Variants in GNL2 observed in about 807,000 individuals in gnomAD.
The protein encoded by GNL2 is G protein nucleolar 2.
GNL2 carries 51 observed loss-of-function variants against 92.3 expected under a neutral mutation model. That is an observed-to-expected ratio of 0.55 (90% confidence interval 0.44 to 0.70). GNL2 has a LOEUF of 0.70. Among genes scored for constraint, GNL2 ranks in the 30% least tolerant of loss-of-function variants. GNL2 has a pLI of 0.00. For missense variants in GNL2, 844 were observed against 895.6 expected, an observed-to-expected ratio of 0.94 and a Z score of 0.74; for synonymous variants, 283 against 300.6, an observed-to-expected ratio of 0.94 and a Z score of 0.61.
chr1:37,592,374 A>G (rs911674359), intron 3 of GNL2, among the ~76,000 whole-genome samples: 2 of 152,212 alleles, frequency 1.3e-5, no homozygotes, highest in Non-Finnish European at 2.9e-5. Context: ...GGATATATGC[A>G]CAAAACCTAC....
At chr1:37,581,155 G>T (rs895809181) in intron 8 of GNL2, among the ~76,000 whole-genome samples, 10 of 152,166 alleles carry the variant, frequency 6.6e-5, no homozygotes, top group Non-Finnish European at 4.4e-5. Context: ...TAAACTGGGG[G>T]TGAGGGGTGG....
intron 5 of GNL2, among the ~76,000 whole-genome samples, 160 bp from the exon 6 acceptor site, chr1:37,584,093 C>A: frequency 6.6e-6 from 1 of 152,098 alleles, no homozygotes; most frequent in East Asian, 1.9e-4. Flanking sequence ...TGTCTGTCAA[C>A]AAATAAATGG....
intron 1 of GNL2, 119 bp downstream of exon 1, chr1:37,595,640 C>G: frequency 2.4e-6 from 2 of 827,056 alleles, no homozygotes; most frequent in Admixed American, 4.3e-5. Flanking sequence ...ACAGCCACCC[C>G]GCTCGTAGTC....
intron 15 of GNL2, among the ~76,000 whole-genome samples, chr1:37,567,291 G>A (rs929491086): frequency 3.9e-5 from 6 of 152,188 alleles, no homozygotes; most frequent in African/African-American, 1.4e-4. Context: ...CAGCAAGGCT[G>A]AGTGCTGCTA....
At chr1:37,568,400 C>G (rs769034959) in intron 13 of GNL2, 43 bp from the exon 14 acceptor site, 1 of 1,261,226 alleles carries the variant, frequency 7.9e-7, no homozygotes, top group Non-Finnish European at 1.2e-6. Context: ...CTCACTCGCC[C>G]GAATCACATA....
At position 37,574,700 on chromosome 1, in the gene GNL2, C is replaced by T; in HGVS notation, c.1267G>A (p.Glu423Lys). The T allele has an allele frequency of 6.2e-7, 1 of 1,614,024 alleles. No individual in the cohort carries two copies. The highest frequency in any genetic ancestry group is 8.5e-7 in the Non-Finnish European group (1 of 1,179,960). ...DSWENAEDFL[E>K]KLAFRTGKLL... Reference sequence around the variant, plus strand: ...TTCCCAGTCCGGAAAGCGAGCTTCTCAAGAAAGTCCTCAGCATTCTCCCAA... The same window carrying T: ...TTCCCAGTCCGGAAAGCGAGCTTCTTAAGAAAGTCCTCAGCATTCTCCCAA... Residue 423 changes from glutamate to lysine, a missense_variant, in exon 11 of 16, where the codon GAG becomes AAG. Physicochemically the swap from Glu to Lys is moderately conservative, Grantham distance 56. Transcript: ENST00000373062.
intron 15 of GNL2, 100 bp from the exon 16 acceptor site, chr1:37,567,107 TC>T (rs1643516614): frequency 1.6e-6 from 2 of 1,253,214 alleles, no homozygotes; most frequent in African/African-American, 3.0e-5. Flanking sequence ...GTGTTCTATT[TC>T]CCGTGCTGCT....
chr1:37,576,427 C>T lies in GNL2; in HGVS notation c.1038+1G>A. 6.2e-7 allele frequency: 1 copy of T among 1,613,556 alleles called. No individual in the cohort carries two copies. Among genetic ancestry groups the T allele is most frequent in the Non-Finnish European group, 8.5e-7 (1 of 1,179,696 alleles). ...GTAAGGTCACCCTGCGCCCAACGTA[C>T]CTTTGTTTCACCTGCAATGGGAGCC... is the stretch of plus-strand genomic sequence containing the variant. On this transcript the variant is annotated splice_donor_variant, in intron 9 of 15. Transcript: ENST00000373062. LOFTEE classifies it high-confidence loss of function.
intron 1 of GNL2, among the ~76,000 whole-genome samples, chr1:37,594,686 C>A (rs1270949213): frequency 2.6e-5 from 4 of 152,320 alleles, no homozygotes; most frequent in Middle Eastern, 3.4e-3. Context: ...GGATTACGGG[C>A]ATCCGCCATC....
Position 37,593,828 on chromosome 1 carries a change from C to T in GNL2, c.83G>A (p.Gly28Glu), listed in dbSNP as rs1162451762. 3 of 1,613,448 alleles carry T rather than the reference C, an allele frequency of 1.9e-6. No homozygotes were observed. Among genetic ancestry groups the T allele is most frequent in the Non-Finnish European group, 2.5e-6 (3 of 1,179,656 alleles). ...STNPDRVQGA[G>E]GQNMRDRATI... ...GGCCCGGTCCCTCATGTTTTGGCCT[C>T]CTGCTCCCTGCACTCGATCTACAAA... Residue 28 changes from glycine to glutamate, a missense_variant, in exon 2 of 16, where the codon GGA (glycine) becomes GAA (glutamate). Transcript: ENST00000373062.
At position 37,582,829 on chromosome 1, in the gene GNL2, T is replaced by C; in HGVS notation, c.744A>G (p.Lys248=). 3.7e-6 allele frequency: 6 copies of C among 1,613,916 alleles called. No individual in the cohort carries two copies. Among genetic ancestry groups the C allele is most frequent in the Non-Finnish European group, 4.2e-6 (5 of 1,179,854 alleles). The part of the protein sequence containing the change: ...ETYLKKEKPW[K]HLIFVLNKCD... ...ATTTGTTAAGTACAAAAATGAGGTG[T>C]TTCCAAGGTTTTTCCTTCTTCAGGT... is the stretch of plus-strand genomic sequence containing the variant. The change falls in exon 7 of 16, where the codon AAA becomes AAG. Residue 248 remains lysine (K), a synonymous_variant. Transcript: ENST00000373062.
chr1:37,569,530 C>G, intron 12 of GNL2: 3 of 490,416 alleles, frequency 6.1e-6, no homozygotes, highest in Non-Finnish European at 1.1e-5. Context: ...CAGGATGAAC[C>G]AACTAAGACT....
Position 37,574,712 on chromosome 1 carries a change from C to T in GNL2, c.1255G>A (p.Glu419Lys), listed in dbSNP as rs778623903. The change falls in exon 11 of 16, where the codon GAG (glutamate) becomes AAG (lysine). Residue 419 changes from glutamate (E) to lysine (K), a missense_variant. Glu to Lys is a moderately conservative substitution (Grantham distance 56, BLOSUM62 1). Transcript: ENST00000373062. ...TYKIDSWENA[E>K]DFLEKLAFRT... ...AAAGCGAGCTTCTCAAGAAAGTCCT[C>T]AGCATTCTCCCAAGAATCAATCTTG... 6.2e-7 allele frequency: 1 copy of T among 1,614,026 alleles called. No homozygotes were observed.
chr1:37,579,180 C>T (rs868687715), intron 8 of GNL2, among the ~76,000 whole-genome samples: 32 of 152,256 alleles, frequency 2.1e-4, no homozygotes, highest in African/African-American at 7.5e-4. Flanking sequence ...CAGAATTCAA[C>T]AAGAGCTCTC....
At chr1:37,595,694 G>A in intron 1 of GNL2, 65 bp downstream of exon 1, 2 of 1,349,666 alleles carry the variant, frequency 1.5e-6, no homozygotes, top group Non-Finnish European at 1.1e-6. Context: ...CCCCTCCAGT[G>A]CTCCTCGGAG....
At position 37,582,789 on chromosome 1, in the gene GNL2, T is replaced by A; in HGVS notation, c.784A>T (p.Thr262Ser). 1 of 1,612,646 alleles carries A rather than the reference T, an allele frequency of 6.2e-7. No individual in the cohort carries two copies. Among genetic ancestry groups the A allele is most frequent in the Non-Finnish European group, 8.5e-7 (1 of 1,179,616 alleles). The change falls in exon 7 of 16, where the codon ACC becomes TCC. Residue 262 changes from threonine to serine, a missense_variant. Transcript: ENST00000373062. ...FVLNKCDLVP[T>S]WATKRWVAVL... ...GTAGTTGTACTTACTGTTGCCCAGG[T>A]TGGAACAAGGTCACATTTGTTAAGT...
chr1:37,577,272 A>G (rs1395101212), intron 8 of GNL2, among the ~76,000 whole-genome samples: 2 of 152,172 alleles, frequency 1.3e-5, no homozygotes, highest in Non-Finnish European at 2.9e-5. Flanking sequence ...ATACATCTGC[A>G]TTTCCACTGC....
intron 12 of GNL2, chr1:37,570,098 A>G (rs1643571114): frequency 6.6e-6 from 1 of 152,216 alleles, no homozygotes; most frequent in African/African-American, 2.4e-5. Context: ...TCATAGCAGT[A>G]TGAAAATGGA....
chr1:37,592,402 A>C (rs750192014), intron 3 of GNL2, among the ~76,000 whole-genome samples: 5 of 152,218 alleles, frequency 3.3e-5, no homozygotes, highest in Non-Finnish European at 5.9e-5. Flanking sequence ...CCTCTCCAAC[A>C]GTATCTCTTT....
Sources: allele counts gnomAD v4.1 joint callset (sites outside exome capture counted in the v4.1 genomes callset), GRCh38; gene constraint gnomAD v4.1.1; transcripts MANE v1.5; gene names NCBI Gene and HGNC (gene_info 2026-07-23, HGNC 2026-07-21).